The following NFASC variants were observed in gnomAD, a reference collection of about 807,000 sequenced individuals.
NFASC encodes the protein neurofascin, also known as neurofascin homolog.
A neutral mutation model predicts 147.5 loss-of-function variants in NFASC; 43 were observed. The observed-to-expected ratio is 0.29, with a 90% CI of 0.23 to 0.38. The LOEUF is 0.38. Among genes scored for constraint, NFASC ranks in the 10% least tolerant of loss-of-function variants. The pLI is 1.00. For synonymous variants in NFASC, 622 were observed against 665.5 expected, an observed-to-expected ratio of 0.93 and a Z score of 1.01; for missense variants, 1,320 against 1,689.0, an observed-to-expected ratio of 0.78 and a Z score of 3.83.
intron 1 of NFASC, among the ~76,000 whole-genome samples, chr1:204,887,687 C>T (rs1232470080): frequency 7.0e-6 from 1 of 142,908 alleles, no homozygotes; most frequent in African/African-American, 2.5e-5. Context: ...GCTTCGAACT[C>T]CCAGGCTCAA....
intron 2 of NFASC, among the ~76,000 whole-genome samples, chr1:204,932,306 T>C (rs2092433350): frequency 6.6e-6 from 1 of 152,204 alleles, no homozygotes; most frequent in Admixed American, 6.5e-5. Flanking sequence ...AATGCAGTAA[T>C]ATTTATTTCC....
intron 8 of NFASC, chr1:204,967,949 T>TGG: frequency 4.1e-6 from 1 of 246,374 alleles, no homozygotes; most frequent in Non-Finnish European, 7.9e-6. Context: ...GATCTCGCAC[T>TGG]GCTCAGACAG....
chr1:205,015,180 T>C lies in NFASC; in HGVS notation c.3492-1128T>C, dbSNP rs967991497. Among the ~76,000 whole-genome samples the C allele has an allele frequency of 2.6e-5, 4 of 152,178 alleles. No individual in the cohort carries two copies. The highest frequency in any genetic ancestry group is 1.3e-4 in the Admixed American group (2 of 15,282). ...TATAATGGCAACTCAGCTGGTTGTCTTCCCCACGTCCAGGAAGGACTGGGG... is the reference window on the plus strand; with the variant it reads ...TATAATGGCAACTCAGCTGGTTGTCCTCCCCACGTCCAGGAAGGACTGGGG... On this transcript the variant is annotated intron_variant, in intron 29 of 29. Transcript: ENST00000339876. The surrounding 1 kb of genome is among the most constrained non-coding windows in gnomAD (Gnocchi z 4.0).
At position 204,894,820 on chromosome 1, in the gene NFASC, A is replaced by G. The variant is rs553282410; in HGVS notation, c.-199-25812A>G. ...TTTCATTATGCCATTCTCAGGAGTCATCTGCTCACCTCTGCTGACTATTCC... is the reference window on the plus strand; with the variant it reads ...TTTCATTATGCCATTCTCAGGAGTCGTCTGCTCACCTCTGCTGACTATTCC... On this transcript the variant is annotated intron_variant, in intron 1 of 29. Coordinates refer to ENST00000339876, the MANE Select transcript of NFASC (RefSeq NM_001005388.3). 4.3e-4 allele frequency among the ~76,000 whole-genome samples: 65 copies of G among 152,314 alleles called. 1 individual carries two copies. In the South Asian group the frequency reaches 0.013, roughly 31 times the overall value.
chr1:204,830,116 C>T (rs1382459174), intron 1 of NFASC, among the ~76,000 whole-genome samples: 2 of 151,900 alleles, frequency 1.3e-5, no homozygotes, highest in East Asian at 3.9e-4. Context: ...CTGCCTGTGT[C>T]CCTGGCATGA....
intron 3 of NFASC, among the ~76,000 whole-genome samples, chr1:204,945,975 A>G (rs981661364): frequency 2.0e-5 from 3 of 152,178 alleles, no homozygotes; most frequent in African/African-American, 7.2e-5. Flanking sequence ...GTGAGCCTAT[A>G]AATAGATGGC....
At chr1:204,838,390 A>G (rs527839152) in intron 1 of NFASC, among the ~76,000 whole-genome samples, 4 of 152,278 alleles carry the variant, frequency 2.6e-5, no homozygotes, top group African/African-American at 9.6e-5. Context: ...AGTGGGGGTA[A>G]GTTTGACCAA....
Position 204,986,104 on chromosome 1 carries a change from C to A in NFASC, c.2471-1314C>A, listed in dbSNP as rs111234773. ...GCAGTGAGACCAAGGAGTTCACCAC[C>A]CCGGAAGGAGGTAGGTCTGGCCTGC... is the stretch of plus-strand genomic sequence containing the variant. On this transcript the variant is annotated intron_variant, in intron 21 of 29. Coordinates refer to ENST00000339876, the MANE Select transcript of NFASC (RefSeq NM_001005388.3). The surrounding 1 kb of genome is among the most constrained non-coding windows in gnomAD (Gnocchi z 4.2). 3.8e-5 allele frequency: 62 copies of A among 1,613,280 alleles called. 1 individual carries two copies. In the African/African-American group the frequency reaches 4.3e-4, roughly 11 times the overall value.
At chr1:204,924,770 A>G (rs1052062297) in intron 2 of NFASC, among the ~76,000 whole-genome samples, 8 of 152,248 alleles carry the variant, frequency 5.3e-5, no homozygotes, top group African/African-American at 1.9e-4. Flanking sequence ...CTGTAGATCT[A>G]CAAAGTAGAT....
intron 2 of NFASC, among the ~76,000 whole-genome samples, chr1:204,928,815 G>C (rs2092032233): frequency 6.6e-6 from 1 of 152,134 alleles, no homozygotes; most frequent in South Asian, 2.1e-4. Context: ...GCACTTTATT[G>C]GTGGGTTCAG....
chr1:204,857,587 A>G (rs1211576080), intron 1 of NFASC, among the ~76,000 whole-genome samples: 1 of 152,056 alleles, frequency 6.6e-6, no homozygotes, highest in Non-Finnish European at 1.5e-5. Flanking sequence ...ACCACGTGGG[A>G]TCTCAAAGTC....
intron 2 of NFASC, among the ~76,000 whole-genome samples, chr1:204,922,043 A>C (rs2090591731): frequency 6.6e-6 from 1 of 152,148 alleles, no homozygotes; most frequent in South Asian, 2.1e-4. Flanking sequence ...CAGGGGGTGC[A>C]TGCCATTCTT....
rs181444359 is a variant in NFASC at position 204,882,434 on chromosome 1, C to T, written c.-199-38198C>T. 3.9e-5 allele frequency among the ~76,000 whole-genome samples: 6 copies of T among 152,326 alleles called. No individual in the cohort carries two copies. In the East Asian group the frequency reaches 9.6e-4, roughly 24 times the overall value. ...CCCTCTGCCTTAAGCTATTCCCCCC[C>T]TCACCTCCCAGTTCGCTCCTTTATT... On this transcript the variant is annotated intron_variant, in intron 1 of 29. Coordinates refer to ENST00000339876, the MANE Select transcript of NFASC (RefSeq NM_001005388.3).
intron 1 of NFASC, among the ~76,000 whole-genome samples, chr1:204,915,356 G>A (rs2088944698): frequency 6.6e-6 from 1 of 152,176 alleles, no homozygotes; most frequent in Non-Finnish European, 1.5e-5. Context: ...TAAGATATTT[G>A]TTAATGGCAA....
chr1:205,012,881 TCCTCCTCTCTCAGGCAGGC>T lies in NFASC; in HGVS notation c.3491+16_3491+34del. On this transcript the variant is annotated intron_variant, in intron 29 of 29. Transcript: ENST00000339876. ...TTTGACTATAGGTGCGTGATCTCCC[TCCTCCTCTCTCAGGCAGGC>T]TGTCCTCCCTGTCCCTGAGGCACCA... 6.3e-7 allele frequency: 1 copy of T among 1,593,630 alleles called. No individual in the cohort carries two copies. Among genetic ancestry groups the T allele is most frequent in the Non-Finnish European group, 8.6e-7 (1 of 1,161,348 alleles).
At chr1:204,887,506 A>G (rs2081516017) in intron 1 of NFASC, among the ~76,000 whole-genome samples, 1 of 149,446 alleles carries the variant, frequency 6.7e-6, no homozygotes, top group South Asian at 2.1e-4. Flanking sequence ...ATTCTTTGGC[A>G]TATCTGTACC....
Position 204,984,393 on chromosome 1 carries a change from A to ATATATATACGCG in NFASC, c.2470+2381_2470+2382insCGCGTATATATA, listed in dbSNP as rs58865130. 720 of 154,670 alleles carry ATATATATACGCG rather than the reference A, an allele frequency of 4.7e-3. 12 individuals carry two copies. Among genetic ancestry groups the ATATATATACGCG allele is most frequent in the South Asian group, 0.01 (51 of 4,880 alleles). The allele number at this position is 154,670 out of a possible 1,614,324, so 9.6% of individuals were successfully genotyped here. On this transcript the variant is annotated intron_variant, in intron 21 of 29. Transcript: ENST00000339876. ...TGTATATATATACGCATATATATAT[A>ATATATATACGCG]TATATATATATATATATACACCCAG...
At chr1:204,849,260 A>T (rs2075448242) in intron 1 of NFASC, among the ~76,000 whole-genome samples, 1 of 152,234 alleles carries the variant, frequency 6.6e-6, no homozygotes, top group Non-Finnish European at 1.5e-5. Context: ...AAGTGCTCAC[A>T]AGAGTGCTTG....
In NFASC at chr1:204,830,006, G is replaced by GGTGTGTGTGTGTGT. The variant is rs58294218; in HGVS notation, c.-200+1251_-200+1264dup. Among the ~76,000 whole-genome samples, 115 of 144,100 alleles carry GGTGTGTGTGTGTGT rather than the reference G, an allele frequency of 8.0e-4. 1 individual carries two copies. Among genetic ancestry groups the GGTGTGTGTGTGTGT allele is most frequent in the East Asian group, 1.9e-3 (9 of 4,760 alleles). The allele number at this position is 144,100 out of a possible 152,430, so 94.5% of individuals were successfully genotyped here. A position where few individuals can be genotyped will look rare whatever the true frequency, so the allele number is the denominator to read the frequency against. On this transcript the variant is annotated intron_variant, in intron 1 of 29. Transcript: ENST00000339876. The stretch of plus-strand genomic sequence containing the variant: ...CTCCTTCCTTGGCATTTTGGCATGG[G>GGTGTGTGTGTGTGT]GTGTGTGTGTGTGTGTGTGTGTGTG...
Sources: allele counts gnomAD v4.1 joint callset (sites outside exome capture counted in the v4.1 genomes callset), GRCh38; gene constraint gnomAD v4.1.1; non-coding constraint Gnocchi (gnomAD v3.1); transcripts MANE v1.5; gene names NCBI Gene and HGNC (gene_info 2026-07-23, HGNC 2026-07-21).